The following SEMA3D variants were observed in gnomAD, a reference collection of about 807,000 sequenced individuals.
SEMA3D encodes the protein semaphorin 3D, also known as semaphorin-3D.
In SEMA3D, 84 loss-of-function variants were observed where a neutral mutation model predicts 100.1. The ratio of observed to expected loss-of-function variants is 0.84; its 90% CI spans 0.70 to 1.01. The LOEUF is 1.01. SEMA3D is among the 50% of genes least tolerant of loss of function. SEMA3D has a pLI of 0.00. For missense variants in SEMA3D, 875 were observed against 934.1 expected, an observed-to-expected ratio of 0.94 and a Z score of 0.82; for synonymous variants, 312 against 320.7, an observed-to-expected ratio of 0.97 and a Z score of 0.29.
chr7:85,114,684 C>T (rs558500425), intron 3 of SEMA3D, among the ~76,000 whole-genome samples: 3 of 152,042 alleles, frequency 2.0e-5, no homozygotes, highest in East Asian at 3.9e-4. Context: ...AAATTTGAAA[C>T]GAATACTGAA....
chr7:85,129,126 A>C (rs1050969223), intron 2 of SEMA3D, among the ~76,000 whole-genome samples: 3 of 151,828 alleles, frequency 2.0e-5, no homozygotes, highest in African/African-American at 7.3e-5. Context: ...CCTGGCCTCA[A>C]GTGATCATCC....
At chr7:85,199,148 G>A in the SEMA3D span, among the ~76,000 whole-genome samples, 25 of 151,710 alleles carry the variant, frequency 1.6e-4, no homozygotes, top group Non-Finnish European at 3.1e-4. Context: ...TTGTAGCTCT[G>A]TGAGAAAATA....
chr7:85,202,666 C>T, the SEMA3D span, among the ~76,000 whole-genome samples: 1 of 152,000 alleles, frequency 6.6e-6, no homozygotes, highest in African/African-American at 2.4e-5. Flanking sequence ...ACAACCCCAT[C>T]AAAAAGTGGG....
the SEMA3D span, among the ~76,000 whole-genome samples, chr7:85,230,542 G>A: frequency 2.6e-5 from 4 of 152,124 alleles, no homozygotes; most frequent in Non-Finnish European, 5.9e-5. Flanking sequence ...GCTTGAAGTC[G>A]TCCAGTATGA....
chr7:85,215,650 A>G, the SEMA3D span, among the ~76,000 whole-genome samples: 4 of 152,126 alleles, frequency 2.6e-5, no homozygotes, highest in Non-Finnish European at 1.5e-5. Flanking sequence ...GATTATAACT[A>G]CTATAACAGA....
intron 3 of SEMA3D, among the ~76,000 whole-genome samples, chr7:85,114,699 A>G (rs1789188068): frequency 6.6e-6 from 1 of 152,200 alleles, no homozygotes; most frequent in Non-Finnish European, 1.5e-5. Flanking sequence ...ACTGAATATA[A>G]GAAGCATCAA....
chr7:85,113,300 A>G (rs1244586882), intron 3 of SEMA3D, among the ~76,000 whole-genome samples: 2 of 152,158 alleles, frequency 1.3e-5, no homozygotes, highest in Non-Finnish European at 2.9e-5. Flanking sequence ...AAAATTTGGT[A>G]GTCATAAATA....
chr7:85,029,593 G>A, intron 12 of SEMA3D: 1 of 492,400 alleles, frequency 2.0e-6, no homozygotes, highest in Non-Finnish European at 3.8e-6. Context: ...CTGGACTAGA[G>A]TGCAGAAGGC....
intron 9 of SEMA3D, among the ~76,000 whole-genome samples, chr7:85,051,181 C>A (rs1299535632): frequency 2.0e-5 from 3 of 151,750 alleles, no homozygotes; most frequent in Admixed American, 1.3e-4. Flanking sequence ...GTTATGGAAG[C>A]AATAGGTGCC....
At chr7:85,124,747 A>C (rs1789518859) in intron 2 of SEMA3D, among the ~76,000 whole-genome samples, 1 of 152,112 alleles carries the variant, frequency 6.6e-6, no homozygotes, top group South Asian at 2.1e-4. Flanking sequence ...TATGGCTATG[A>C]GAGGGAAGAG....
Position 85,012,777 on chromosome 7 carries a change from C to T in SEMA3D, c.1768+5G>A. ...GGAGAAAAAGCATATCAGAGCTGTA[C>T]TTACTGTCTTCGATGTCCCAGCACT... On this transcript the variant is annotated splice_donor_5th_base_variant and intron_variant, in intron 17 of 18. Coordinates refer to ENST00000284136, the MANE Select transcript of SEMA3D (RefSeq NM_001384900.1). The T allele has an allele frequency of 6.2e-7, 1 of 1,606,388 alleles. No homozygotes were observed. The highest frequency in any genetic ancestry group is 8.5e-7 in the Non-Finnish European group (1 of 1,173,962).
intron 4 of SEMA3D, among the ~76,000 whole-genome samples, chr7:85,097,547 A>AT (rs1261368357): frequency 6.6e-6 from 1 of 151,792 alleles, no homozygotes; most frequent in East Asian, 1.9e-4. Flanking sequence ...ATATTAACTA[A>AT]TTTTTTATGT....
At chr7:85,029,461 A>C (rs1204298771) in intron 12 of SEMA3D, 3 of 732,872 alleles carry the variant, frequency 4.1e-6, no homozygotes, top group Non-Finnish European at 7.6e-6. Context: ...GCACAAACAG[A>C]AGATTCTTAG....
At chr7:85,231,267 T>C in the SEMA3D span, among the ~76,000 whole-genome samples, 7 of 152,140 alleles carry the variant, frequency 4.6e-5, 1 homozygote, top group Non-Finnish European at 1.0e-4. Context: ...ATTATGATTA[T>C]TGACAAATCA....
At chr7:85,116,388 A>G (rs1789247075) in intron 3 of SEMA3D, among the ~76,000 whole-genome samples, 1 of 146,420 alleles carries the variant, frequency 6.8e-6, no homozygotes, top group South Asian at 2.1e-4. Context: ...ATATAAATAT[A>G]TACATAAATA....
intron 12 of SEMA3D, among the ~76,000 whole-genome samples, chr7:85,031,225 C>T (rs987554493): frequency 9.9e-5 from 15 of 151,922 alleles, no homozygotes; most frequent in African/African-American, 3.6e-4. Context: ...GTGATAATGT[C>T]AACAGAAGTC....
At chr7:85,057,633 T>C (rs1290118618) in intron 8 of SEMA3D, among the ~76,000 whole-genome samples, 1 of 152,142 alleles carries the variant, frequency 6.6e-6, no homozygotes, top group Non-Finnish European at 1.5e-5. Flanking sequence ...CCTTCTTTAA[T>C]AGACAAGTTA....
intron 2 of SEMA3D, among the ~76,000 whole-genome samples, chr7:85,125,133 CT>C (rs577936869): frequency 3.3e-5 from 5 of 151,284 alleles, no homozygotes; most frequent in Admixed American, 1.3e-4. Flanking sequence ...TCTCATTACA[CT>C]TTTTTTTTGA....
At chr7:85,140,581 A>G in intron 2 of SEMA3D, 1 of 939,558 alleles carries the variant, frequency 1.1e-6, no homozygotes. Flanking sequence ...TTTTATCTAT[A>G]TCTATATCTA....
Sources: allele counts gnomAD v4.1 joint callset (sites outside exome capture counted in the v4.1 genomes callset), GRCh38; gene constraint gnomAD v4.1.1; transcripts MANE v1.5; gene names NCBI Gene and HGNC (gene_info 2026-07-23, HGNC 2026-07-21).